Variants in LAMA2 observed in about 807,000 individuals in gnomAD.
The protein encoded by LAMA2 is laminin subunit alpha 2, also known as laminin subunit alpha-2.
LAMA2 carries 269 observed loss-of-function variants against 364.8 expected under a neutral mutation model. That is an observed-to-expected ratio of 0.74 (90% CI 0.67 to 0.82). The LOEUF (loss-of-function observed/expected upper bound fraction) is 0.82. LAMA2 is among the 40% of genes least tolerant of loss of function. The pLI is 0.00. For synonymous variants in LAMA2, 1,379 were observed against 1,370.6 expected (o/e 1.01, Z -0.14); for missense variants, 3,807 against 3,873.2 (o/e 0.98, Z 0.45).
chr6:129,040,769 A>G (rs1362927912), intron 1 of LAMA2, among the ~76,000 whole-genome samples: 6 of 152,244 alleles, frequency 3.9e-5, no homozygotes, highest in Non-Finnish European at 1.5e-5. Context: ...GGAGATCTGC[A>G]GAAGTGTTGT....
At chr6:129,372,741 C>A (rs928935662) in intron 34 of LAMA2, among the ~76,000 whole-genome samples, 1 of 152,184 alleles carries the variant, frequency 6.6e-6, no homozygotes, top group East Asian at 1.9e-4. Flanking sequence ...TCCAAATGGT[C>A]TTTTCTATTT....
chr6:129,325,980 C>G (rs1244481278), intron 28 of LAMA2, among the ~76,000 whole-genome samples: 1 of 152,098 alleles, frequency 6.6e-6, no homozygotes, highest in African/African-American at 2.4e-5. Flanking sequence ...GTTGGGACTA[C>G]AGACACGCAT....
intron 3 of LAMA2, among the ~76,000 whole-genome samples, chr6:129,082,444 T>C (rs1429711684): frequency 6.6e-6 from 1 of 152,130 alleles, no homozygotes; most frequent in Non-Finnish European, 1.5e-5. Context: ...AATAAAGATA[T>C]AACATGCTAG....
chr6:129,130,078 G>A (rs991189105), intron 4 of LAMA2, among the ~76,000 whole-genome samples: 1 of 152,160 alleles, frequency 6.6e-6, no homozygotes, highest in Non-Finnish European at 1.5e-5. Context: ...CAGTGAAAGA[G>A]CTTAATTATA....
Position 129,507,544 on chromosome 6 carries a change from C to A in LAMA2, c.8759C>A (p.Ala2920Asp), listed in dbSNP as rs757583844. ...AATCTCCACATGGCAGAGGCCCCTG[C>A]CGATCTGGAACAACCCACCTCCAGC... ...VRNLHMAEAP[A>D]DLEQPTSSFH... Residue 2920 changes from alanine to aspartate, a missense_variant, in exon 62 of 65, where the codon GCC becomes GAC. Physicochemically the swap from Ala to Asp is moderately radical, Grantham distance 126. Coordinates refer to ENST00000421865, the MANE Select transcript of LAMA2 (RefSeq NM_000426.4). 2 of 1,614,098 alleles carry A rather than the reference C, an allele frequency of 1.2e-6. 1 individual carries two copies. Among genetic ancestry groups the A allele is most frequent in the South Asian group, 2.2e-5 (2 of 91,090 alleles).
intron 12 of LAMA2, among the ~76,000 whole-genome samples, chr6:129,221,541 A>T (rs1225071304): frequency 6.6e-6 from 1 of 152,160 alleles, no homozygotes; most frequent in African/African-American, 2.4e-5. Flanking sequence ...AATCAGTATC[A>T]TTATCAAAGA....
intron 4 of LAMA2, among the ~76,000 whole-genome samples, chr6:129,120,180 A>G (rs1776723520): frequency 1.3e-5 from 2 of 152,220 alleles, no homozygotes; most frequent in African/African-American, 2.4e-5. Context: ...GTGATTGTAA[A>G]AATATCAAAA....
intron 64 of LAMA2, 76 bp from the exon 65 acceptor site, chr6:129,516,114 G>GTTGAC (rs1787050158): frequency 6.7e-7 from 1 of 1,497,172 alleles, no homozygotes; most frequent in African/African-American, 1.4e-5. Flanking sequence ...CAAGCTAACA[G>GTTGAC]TTGACTTTGA....
intron 12 of LAMA2, among the ~76,000 whole-genome samples, chr6:129,228,555 A>G (rs1054057060): frequency 2.0e-5 from 3 of 152,196 alleles, no homozygotes; most frequent in African/African-American, 7.2e-5. Flanking sequence ...TGTTTATTTC[A>G]TTTCTCATAC....
Position 129,066,038 on chromosome 6 carries a change from GT to G in LAMA2, c.396+6167del, listed in dbSNP as rs544271722. 2.4e-4 allele frequency among the ~76,000 whole-genome samples: 9 copies of G among 37,116 alleles called. 1 individual carries two copies. Among genetic ancestry groups the G allele is most frequent in the South Asian group, 1.5e-3 (1 of 684 alleles). The allele number at this position is 37,116 out of a possible 152,430, so 24.3% of individuals were successfully genotyped here. ...TCTTTTGTAAATTGCCCAGTCTCAG[GT>G]TTTTTTTTTTTTTTTTTTTTTTTTG... is the stretch of plus-strand genomic sequence containing the variant. On this transcript the variant is annotated intron_variant, in intron 3 of 64. Coordinates refer to ENST00000421865, the MANE Select transcript of LAMA2 (RefSeq NM_000426.4).
intron 7 of LAMA2, among the ~76,000 whole-genome samples, chr6:129,151,993 A>G (rs1406435768): frequency 6.6e-6 from 1 of 152,212 alleles, no homozygotes; most frequent in African/African-American, 2.4e-5. Flanking sequence ...CTCCATTAAC[A>G]TAGCAAAACT....
chr6:129,453,668 T>C (rs1288949291), intron 46 of LAMA2, among the ~76,000 whole-genome samples: 1 of 152,150 alleles, frequency 6.6e-6, no homozygotes, highest in Non-Finnish European at 1.5e-5. Flanking sequence ...TTTGCATGCA[T>C]GGGGATTTTC....
intron 8 of LAMA2, among the ~76,000 whole-genome samples, chr6:129,163,798 C>G (rs1356176500): frequency 6.6e-6 from 1 of 152,180 alleles, no homozygotes; most frequent in Non-Finnish European, 1.5e-5. Flanking sequence ...TCATCTCTAC[C>G]TGATGTTAAG....
At chr6:128,975,589 A>G (rs906186319) in intron 1 of LAMA2, among the ~76,000 whole-genome samples, 7 of 152,198 alleles carry the variant, frequency 4.6e-5, no homozygotes, top group African/African-American at 1.4e-4. Context: ...AGTTCCCACA[A>G]TTCCCAAGGG....
intron 12 of LAMA2, among the ~76,000 whole-genome samples, chr6:129,208,860 A>G (rs74734718): frequency 0.013 from 1,956 of 152,256 alleles, 23 homozygotes; most frequent in Non-Finnish European, 0.016. Flanking sequence ...TATCTGTCTA[A>G]TTTTTAGGGT....
chr6:129,331,627 T>A (rs187749497), intron 29 of LAMA2, among the ~76,000 whole-genome samples: 45 of 152,180 alleles, frequency 3.0e-4, no homozygotes, highest in Non-Finnish European at 5.1e-4. Flanking sequence ...TCACTCTGGC[T>A]AATCTCTCCT....
chr6:128,997,750 G>A (rs1784079601), intron 1 of LAMA2, among the ~76,000 whole-genome samples: 1 of 152,076 alleles, frequency 6.6e-6, no homozygotes, highest in Non-Finnish European at 1.5e-5. Context: ...AGCCAAGATT[G>A]CACCATTGCA....
intron 40 of LAMA2, among the ~76,000 whole-genome samples, chr6:129,406,367 A>G (rs1358732489): frequency 6.6e-6 from 1 of 152,220 alleles, no homozygotes; most frequent in Non-Finnish European, 1.5e-5. Context: ...TTCTTTAAAT[A>G]TCAGAATGAA....
intron 12 of LAMA2, among the ~76,000 whole-genome samples, chr6:129,198,486 G>A (rs1434129286): frequency 1.3e-5 from 2 of 152,094 alleles, no homozygotes; most frequent in African/African-American, 4.8e-5. Flanking sequence ...TTATTCAAAA[G>A]AAAGGGAACG....
Sources: gnomAD v4.1 joint callset for allele counts (sites outside exome capture counted in the v4.1 genomes callset) on GRCh38, gnomAD v4.1.1 for gene constraint, MANE v1.5 for transcripts, NCBI Gene and HGNC (gene_info 2026-07-23, HGNC 2026-07-21) for gene names.